Variants in SERPINB11 observed in about 807,000 individuals in gnomAD.
SERPINB11 encodes the protein serpin B11.
SERPINB11 carries 32 observed loss-of-function variants against 36.7 expected under a neutral mutation model. The observed-to-expected ratio is 0.87, with a 90% confidence interval of 0.66 to 1.17. The LOEUF is 1.17. Ranked by LOEUF, SERPINB11 falls within the 50% of genes most tolerant of loss-of-function variation. The pLI is 0.00. For missense variants in SERPINB11, 528 were observed against 458.4 expected (o/e 1.15, Z -1.39); for synonymous variants, 174 against 168.1 (o/e 1.04, Z -0.27).
At chr18:63,702,774 G>A (rs577746700), upstream of SERPINB11, 20 of 152,292 alleles carry the variant, frequency 1.3e-4, no homozygotes, top group African/African-American at 4.3e-4. Flanking sequence ...GCCTTCCAAA[G>A]TGCTGGGATT....
chr18:63,715,544 G>T (rs1191427224), intron 4 of SERPINB11, among the ~76,000 whole-genome samples: 1 of 152,134 alleles, frequency 6.6e-6, no homozygotes, highest in Non-Finnish European at 1.5e-5. Flanking sequence ...CTACATCACA[G>T]AATGTTTTTA....
intron 7 of SERPINB11, 57 bp downstream of exon 7, chr18:63,721,043 C>A: frequency 2.8e-5 from 38 of 1,333,544 alleles, no homozygotes; most frequent in Non-Finnish European, 4.0e-5. Context: ...TTAACACACA[C>A]ACACACAGAC....
At chr18:63,720,797 T>C (rs1487446734) in intron 6 of SERPINB11, 34 bp from the exon 7 acceptor site, 3 of 1,487,486 alleles carry the variant, frequency 2.0e-6, no homozygotes, top group African/African-American at 1.4e-5. Context: ...CACTCACATA[T>C]GTAAGTATAC....
intron 5 of SERPINB11, 75 bp from the exon 6 acceptor site, chr18:63,719,938 A>G: frequency 8.0e-7 from 1 of 1,244,224 alleles, no homozygotes; most frequent in East Asian, 2.6e-5. Flanking sequence ...AATGGCTCTA[A>G]ATTTCTCATG....
At chr18:63,715,981 T>G in intron 4 of SERPINB11, 54 bp from the exon 5 acceptor site, 1 of 1,157,672 alleles carries the variant, frequency 8.6e-7, no homozygotes, top group African/African-American at 1.5e-5. Flanking sequence ...CTGTAGATTT[T>G]TGTTTTCCTT....
Position 63,710,237 on chromosome 18 carries a change from T to C in SERPINB11, c.44T>C (p.Val15Ala). ...GCTAACGTTGAATTTTGCCTTGATG[T>C]GTTCAAAGAGCTGAACAGTAACAAC... ...STANVEFCLD[V>A]FKELNSNNIG... Residue 15 changes from valine (V) to alanine (A), a missense_variant, in exon 2 of 8, where the codon GTG becomes GCG. Val to Ala is a moderately conservative substitution (Grantham distance 64). Coordinates refer to ENST00000544088, the MANE Select transcript of SERPINB11 (RefSeq NM_001370475.1). The C allele has an allele frequency of 6.2e-7, 1 of 1,613,146 alleles. No individual in the cohort carries two copies. Among genetic ancestry groups the C allele is most frequent in the South Asian group, 1.1e-5 (1 of 90,886 alleles).
chr18:63,713,649 T>C (rs75638664), intron 4 of SERPINB11, among the ~76,000 whole-genome samples: 3,442 of 152,132 alleles, frequency 0.023, 126 homozygotes, highest in African/African-American at 0.079. Flanking sequence ...ATTCAGAGAG[T>C]ATTTTCTTTT....
chr18:63,718,652 A>G (rs910666599), intron 5 of SERPINB11, among the ~76,000 whole-genome samples: 3 of 151,906 alleles, frequency 2.0e-5, no homozygotes, highest in Admixed American at 1.3e-4. Context: ...GTTTAGCTTT[A>G]TATTATTTTA....
chr18:63,718,434 G>C (rs1287012398), intron 5 of SERPINB11, among the ~76,000 whole-genome samples: 1 of 151,784 alleles, frequency 6.6e-6, no homozygotes, highest in African/African-American at 2.4e-5. Context: ...CCTCTATACA[G>C]GTCTTCCTTA....
At chr18:63,707,765 T>A (rs1208244792) in intron 1 of SERPINB11, among the ~76,000 whole-genome samples, 1 of 152,226 alleles carries the variant, frequency 6.6e-6, no homozygotes, top group East Asian at 1.9e-4. Context: ...ATGTACTGGG[T>A]CACTACTCTA....
intron 1 of SERPINB11, chr18:63,705,312 A>G (rs1455019960): frequency 6.6e-6 from 1 of 152,176 alleles, no homozygotes; most frequent in Non-Finnish European, 1.5e-5. Context: ...CCTGGGCTCA[A>G]GGGATCCACC....
intron 7 of SERPINB11, among the ~76,000 whole-genome samples, chr18:63,722,345 A>G (rs1018781057): frequency 1.3e-5 from 2 of 152,178 alleles, no homozygotes; most frequent in African/African-American, 2.4e-5. Context: ...GGCTGGCTGG[A>G]GAGTTCAATG....
At chr18:63,706,929 G>A (rs1914386914) in intron 1 of SERPINB11, among the ~76,000 whole-genome samples, 1 of 152,158 alleles carries the variant, frequency 6.6e-6, no homozygotes, top group Non-Finnish European at 1.5e-5. Flanking sequence ...GTAGACACAT[G>A]CAGATAACCC....
chr18:63,722,821 A>C (rs956178977), intron 7 of SERPINB11, among the ~76,000 whole-genome samples, 174 bp from the exon 8 acceptor site: 2 of 152,206 alleles, frequency 1.3e-5, no homozygotes, highest in African/African-American at 4.8e-5. Flanking sequence ...AGACAACAGA[A>C]AAGGGAAAAT....
intron 6 of SERPINB11, 114 bp downstream of exon 6, chr18:63,720,269 G>T: frequency 1.1e-6 from 1 of 931,214 alleles, no homozygotes; most frequent in South Asian, 1.7e-5. Context: ...GTTTCTGTTG[G>T]TTCTTTTTAT....
intron 1 of SERPINB11, among the ~76,000 whole-genome samples, chr18:63,704,626 T>C (rs1165925066): frequency 1.3e-5 from 2 of 152,254 alleles, no homozygotes; most frequent in Non-Finnish European, 2.9e-5. Context: ...ACTATAATTA[T>C]GTATTGCCAA....
At chr18:63,715,128 A>T (rs1251375923) in intron 4 of SERPINB11, among the ~76,000 whole-genome samples, 2 of 152,158 alleles carry the variant, frequency 1.3e-5, no homozygotes, top group African/African-American at 4.8e-5. Context: ...CTTCTACGCT[A>T]GGCACATCTT....
chr18:63,710,208 C>A lies in SERPINB11; in HGVS notation c.15C>A (p.Ser5Arg). ...TCGGCATAAAAATGGGTTCTCTCAG[C>A]ACAGCTAACGTTGAATTTTGCCTTG... The part of the protein sequence containing the change: MGSL[S>R]TANVEFCLDV... The change falls in exon 2 of 8, where the codon AGC becomes AGA. Residue 5 changes from serine to arginine, a missense_variant. By Grantham distance (110) the Ser-to-Arg change is moderately radical. Coordinates refer to ENST00000544088, the MANE Select transcript of SERPINB11 (RefSeq NM_001370475.1). 2.5e-6 allele frequency: 4 copies of A among 1,609,864 alleles called. No individual in the cohort carries two copies. The highest frequency in any genetic ancestry group is 3.4e-6 in the Non-Finnish European group (4 of 1,178,284).
At chr18:63,720,449 T>G (rs1914780247) in intron 6 of SERPINB11, 2 of 371,746 alleles carry the variant, frequency 5.4e-6, no homozygotes, top group African/African-American at 4.3e-5. Flanking sequence ...GGTTATGTTC[T>G]CCAGCAGCAC....
Sources: allele counts gnomAD v4.1 joint callset (sites outside exome capture counted in the v4.1 genomes callset), GRCh38; gene constraint gnomAD v4.1.1; transcripts MANE v1.5; gene names NCBI Gene and HGNC (gene_info 2026-07-23, HGNC 2026-07-21).